The following GLCCI1 variants were observed in gnomAD, a reference collection of about 807,000 sequenced individuals.
The protein encoded by GLCCI1 is glucocorticoid-induced transcript 1 protein.
In GLCCI1, 24 loss-of-function variants were observed where a neutral mutation model predicts 52.2. The observed-to-expected ratio is 0.46, with a 90% CI of 0.33 to 0.65. The LOEUF is 0.65. GLCCI1 is among the 30% of genes least tolerant of loss of function. The pLI, the probability that GLCCI1 is intolerant of heterozygous loss-of-function variation, is 0.02. For synonymous variants in GLCCI1, 310 were observed against 276.5 expected (o/e 1.12, Z -1.20); for missense variants, 704 against 701.5 (o/e 1.00, Z -0.04).
Position 8,084,977 on chromosome 7 carries a change from C to T in GLCCI1, c.1258C>T (p.Pro420Ser), listed in dbSNP as rs1344366478. 6.2e-7 allele frequency: 1 copy of T among 1,614,070 alleles called. No homozygotes were observed. Reference protein sequence around the residue: ...NNSYMFKREPPEGCERVKVFE... With the variant: ...NNSYMFKREPSEGCERVKVFE... ...CAGCTACATGTTCAAACGGGAGCCC[C>T]CAGAGGGATGTGAGCGAGTGAAGGT... is the stretch of plus-strand genomic sequence containing the variant. Residue 420 changes from proline (P) to serine (S), a missense_variant, in exon 7 of 8, where the codon CCA becomes TCA. Pro to Ser is a moderately conservative substitution (Grantham distance 74). This residue lies in a region of GLCCI1 where 8 missense variants were observed against 23.8 expected (regional missense o/e 0.34). Transcript: ENST00000223145.
intron 3 of GLCCI1, among the ~76,000 whole-genome samples, chr7:8,043,835 A>G (rs1782057684): frequency 6.6e-6 from 1 of 152,214 alleles, no homozygotes; most frequent in Non-Finnish European, 1.5e-5. Context: ...TAAAAATGAG[A>G]GTACATGGGT....
intron 3 of GLCCI1, among the ~76,000 whole-genome samples, chr7:8,027,402 C>T (rs1180638650): frequency 1.3e-5 from 2 of 152,220 alleles, no homozygotes; most frequent in African/African-American, 4.8e-5. Context: ...GCGCAAGAAT[C>T]GCTTGAGCCT....
intron 3 of GLCCI1, among the ~76,000 whole-genome samples, chr7:8,040,248 G>A (rs1187381558): frequency 1.3e-5 from 2 of 152,130 alleles, no homozygotes; most frequent in African/African-American, 4.8e-5. Context: ...CACTTAGGGA[G>A]GCTGAGATGG....
intron 1 of GLCCI1, among the ~76,000 whole-genome samples, chr7:7,977,391 C>G (rs1436688250): frequency 2.6e-5 from 4 of 152,154 alleles, no homozygotes; most frequent in Non-Finnish European, 5.9e-5. Flanking sequence ...GAAGGTGGAG[C>G]AAAGCATGTT....
chr7:8,080,818 T>C (rs1019956476), intron 6 of GLCCI1, among the ~76,000 whole-genome samples: 11 of 151,632 alleles, frequency 7.3e-5, no homozygotes, highest in African/African-American at 2.7e-4. Flanking sequence ...TAATCCTTTT[T>C]TTGTTTGTTT....
intron 5 of GLCCI1, 106 bp from the exon 6 acceptor site, chr7:8,070,815 T>G (rs1344548137): frequency 2.8e-5 from 26 of 930,920 alleles, no homozygotes; most frequent in Non-Finnish European, 3.6e-5. Flanking sequence ...AAGAATAAAC[T>G]GGGTCAGTAG....
chr7:8,070,729 A>C (rs1782742856), intron 5 of GLCCI1, 192 bp from the exon 6 acceptor site: 1 of 560,062 alleles, frequency 1.8e-6, no homozygotes, highest in African/African-American at 1.9e-5. Context: ...AATTTGATTT[A>C]AAAGAAATGT....
intron 6 of GLCCI1, among the ~76,000 whole-genome samples, chr7:8,082,601 TA>T (rs1314300617): frequency 5.9e-5 from 9 of 151,998 alleles, no homozygotes; most frequent in South Asian, 2.1e-4. Context: ...CATATTCAAT[TA>T]AAAAAAATTT....
chr7:8,001,654 G>A (rs769877416), intron 1 of GLCCI1, among the ~76,000 whole-genome samples: 17 of 152,154 alleles, frequency 1.1e-4, no homozygotes, highest in African/African-American at 2.4e-4. Flanking sequence ...ACATGCACAC[G>A]TATGTTTATT....
intron 1 of GLCCI1, among the ~76,000 whole-genome samples, chr7:7,970,103 G>A (rs556967478): frequency 4.6e-5 from 7 of 152,254 alleles, no homozygotes; most frequent in African/African-American, 9.6e-5. Flanking sequence ...GTTTGTAGCC[G>A]GGGAAGGAGA....
intron 3 of GLCCI1, among the ~76,000 whole-genome samples, chr7:8,043,943 A>AC (rs1782060455): frequency 2.2e-5 from 2 of 91,498 alleles, no homozygotes; most frequent in South Asian, 1.0e-3. Flanking sequence ...TTGAAGCACT[A>AC]AATTTTTTTT....
chr7:8,056,952 T>G (rs764214794), intron 4 of GLCCI1, among the ~76,000 whole-genome samples: 43 of 152,194 alleles, frequency 2.8e-4, no homozygotes, highest in Non-Finnish European at 5.3e-4. Context: ...TTATCACTAC[T>G]TACATATGAT....
intron 1 of GLCCI1, among the ~76,000 whole-genome samples, chr7:7,978,523 GT>G (rs1410650741): frequency 1.3e-5 from 2 of 152,088 alleles, no homozygotes; most frequent in Non-Finnish European, 2.9e-5. Context: ...CTTCTGGGGT[GT>G]TTTGGCATTT....
At chr7:8,020,369 C>G (rs61450165) in intron 2 of GLCCI1, among the ~76,000 whole-genome samples, 1 of 152,138 alleles carries the variant, frequency 6.6e-6, no homozygotes, top group South Asian at 2.1e-4. Flanking sequence ...ACATATACTA[C>G]TAACTTGATT....
At chr7:8,037,099 A>G (rs143588791) in intron 3 of GLCCI1, among the ~76,000 whole-genome samples, 1 of 81,302 alleles carries the variant, frequency 1.2e-5, no homozygotes, top group Non-Finnish European at 2.4e-5. Flanking sequence ...TAGTCTTCAG[A>G]CAAAGTCAGT....
intron 7 of GLCCI1, among the ~76,000 whole-genome samples, chr7:8,085,423 T>C (rs546668343): frequency 1.3e-5 from 2 of 152,374 alleles, no homozygotes; most frequent in Non-Finnish European, 2.9e-5. Context: ...CTAGCTTACT[T>C]ATTCAGACTT....
At chr7:8,014,012 C>T (rs1009945426) in intron 2 of GLCCI1, among the ~76,000 whole-genome samples, 3 of 132,676 alleles carry the variant, frequency 2.3e-5, no homozygotes, top group Admixed American at 8.3e-5. Context: ...TTTTTTGAGA[C>T]GGAGTCTTGC....
intron 6 of GLCCI1, among the ~76,000 whole-genome samples, chr7:8,083,234 C>T (rs1429535865): frequency 6.6e-6 from 1 of 152,072 alleles, no homozygotes; most frequent in Non-Finnish European, 1.5e-5. Flanking sequence ...AATGGGATGT[C>T]CATCCTCCCT....
intron 6 of GLCCI1, among the ~76,000 whole-genome samples, chr7:8,075,178 G>A (rs1262405225): frequency 6.6e-6 from 1 of 152,018 alleles, no homozygotes; most frequent in Non-Finnish European, 1.5e-5. Flanking sequence ...TTCTTTGCCT[G>A]TATGGATTGT....
Sources: gnomAD v4.1 joint callset for allele counts (sites outside exome capture counted in the v4.1 genomes callset) on GRCh38, gnomAD v4.1.1 for gene constraint, gnomAD v4.1.1 regional missense constraint, MANE v1.5 for transcripts, NCBI Gene and HGNC (gene_info 2026-07-23, HGNC 2026-07-21) for gene names.